ABR: variants seen among roughly 807,000 people sequenced by gnomAD.
ABR encodes the protein active breakpoint cluster region-related protein.
Under a neutral mutation model 107.2 loss-of-function variants are expected in ABR, and 35 were observed. That is an observed-to-expected ratio of 0.33 (90% CI 0.25 to 0.43). ABR has a LOEUF of 0.43. Among genes scored for constraint, ABR ranks in the 20% least tolerant of loss-of-function variants. The probability of loss-of-function intolerance (pLI) is 1.00; values close to 1 mark genes in which losing one functional copy is unlikely to be tolerated. For missense variants in ABR, 815 were observed against 1,115.2 expected, an observed-to-expected ratio of 0.73 and a Z score of 3.83; for synonymous variants, 498 against 462.0, an observed-to-expected ratio of 1.08 and a Z score of -1.00.
Position 1,226,490 on chromosome 17 carries a change from T to C in ABR, c.838+2303A>G, listed in dbSNP as rs529463553. 4.1e-4 allele frequency among the ~76,000 whole-genome samples: 60 copies of C among 145,676 alleles called. 1 individual carries two copies. The highest frequency in any genetic ancestry group is 1.6e-3 in the African/African-American group (59 of 36,598). Reference sequence around the variant, plus strand: ...TGTATGTGGCACTGTGCCATGTGTATACGTGTAGGTGTGCATGTGTGTGCA... The same window carrying C: ...TGTATGTGGCACTGTGCCATGTGTACACGTGTAGGTGTGCATGTGTGTGCA... On this transcript the variant is annotated intron_variant, in intron 1 of 22. Transcript: ENST00000574139.
chr17:1,032,837 T>A (rs2072917165), intron 16 of ABR, among the ~76,000 whole-genome samples: 1 of 152,318 alleles, frequency 6.6e-6, no homozygotes, highest in Non-Finnish European at 1.5e-5. Flanking sequence ...CAGGGGTGTC[T>A]GGGGCCTCGG....
At chr17:1,216,001 A>G (rs9944477) in intron 1 of ABR, among the ~76,000 whole-genome samples, 10 of 128,126 alleles carry the variant, frequency 7.8e-5, no homozygotes, top group Non-Finnish European at 1.4e-4. Context: ...GTCATCACCA[A>G]TCCCTAATCT....
intron 16 of ABR, among the ~76,000 whole-genome samples, chr17:1,020,676 A>G (rs11247574): frequency 0.18 from 27,095 of 152,092 alleles, 3,154 homozygotes; most frequent in Admixed American, 0.3. Flanking sequence ...TTGGGGCAGG[A>G]ATCAGCAAAG....
chr17:1,140,430 T>C (rs2040242107), intron 1 of ABR, among the ~76,000 whole-genome samples: 1 of 152,286 alleles, frequency 6.6e-6, no homozygotes, highest in Non-Finnish European at 1.5e-5. Context: ...ACCAGGGAAC[T>C]GGCCAGCGGA....
At chr17:1,167,381 C>G (rs913392346) in intron 1 of ABR, among the ~76,000 whole-genome samples, 2 of 148,454 alleles carry the variant, frequency 1.3e-5, no homozygotes, top group Admixed American at 1.3e-4. Flanking sequence ...TCTTCATAGC[C>G]ACCCCTGACT....
At chr17:1,141,754 G>A (rs1397758732) in intron 1 of ABR, among the ~76,000 whole-genome samples, 2 of 149,604 alleles carry the variant, frequency 1.3e-5, no homozygotes, top group African/African-American at 2.5e-5. Context: ...GACTAGTTAC[G>A]ACTTAAATTC....
intron 2 of ABR, among the ~76,000 whole-genome samples, chr17:1,106,894 T>G (rs935606156): frequency 7.2e-5 from 11 of 152,334 alleles, no homozygotes; most frequent in African/African-American, 2.6e-4. Flanking sequence ...GAACGCCTTG[T>G]GAGGGAAGAT....
At chr17:1,073,707 G>A (rs984358223) in intron 6 of ABR, 30 bp from the exon 7 acceptor site, 8 of 1,583,052 alleles carry the variant, frequency 5.1e-6, no homozygotes, top group Admixed American at 1.8e-5. Context: ...GAAGGAGGAA[G>A]AGGATGATGG....
chr17:1,195,067 G>A, intron 1 of ABR, among the ~76,000 whole-genome samples: 2 of 146,744 alleles, frequency 1.4e-5, no homozygotes, highest in Non-Finnish European at 3.0e-5. Flanking sequence ...CAGCACTTTG[G>A]GAGGCCGAGG....
intron 1 of ABR, among the ~76,000 whole-genome samples, chr17:1,143,717 C>T (rs1425347564): frequency 6.6e-6 from 1 of 152,090 alleles, no homozygotes; most frequent in Non-Finnish European, 1.5e-5. Flanking sequence ...AGACCGTAGC[C>T]GCCTGGAGAA....
rs149617961 is a variant in ABR at position 1,046,414 on chromosome 17, G to T, written c.1791+3636C>A. Among the ~76,000 whole-genome samples, 954 of 152,200 alleles carry T rather than the reference G, an allele frequency of 6.3e-3. 9 individuals carry two copies. The highest frequency in any genetic ancestry group is 0.022 in the African/African-American group (906 of 41,540). ...GCCTCCCAAAGTGCTGGGATTATGG[G>T]CGCGTGCCACCACGCCTGGCTAATT... On this transcript the variant is annotated intron_variant, in intron 16 of 22. Transcript: ENST00000302538.
At chr17:1,067,043 AG>A (rs1176642434) in intron 10 of ABR, 33 bp downstream of exon 10, 2 of 1,607,172 alleles carry the variant, frequency 1.2e-6, no homozygotes, top group Non-Finnish European at 1.7e-6. Context: ...GCTGGCTCAA[AG>A]GGCCCCAGGC....
intron 1 of ABR, among the ~76,000 whole-genome samples, chr17:1,159,797 T>C (rs540217354): frequency 6.6e-6 from 1 of 151,878 alleles, no homozygotes; most frequent in African/African-American, 2.4e-5. Flanking sequence ...TAAAAGCCAG[T>C]GACACTTACG....
intron 1 of ABR, among the ~76,000 whole-genome samples, chr17:1,175,286 C>T (rs957160600): frequency 6.6e-6 from 1 of 152,092 alleles, no homozygotes; most frequent in Non-Finnish European, 1.5e-5. Context: ...GTGGCGGGCA[C>T]CTGTAATCCC....
chr17:1,160,601 C>G (rs76423869), intron 1 of ABR, among the ~76,000 whole-genome samples: 49 of 152,316 alleles, frequency 3.2e-4, no homozygotes, highest in African/African-American at 1.2e-3. Flanking sequence ...AGGGGTACGA[C>G]GGAGCAGCAA....
intron 1 of ABR, among the ~76,000 whole-genome samples, chr17:1,129,405 G>A (rs997462577): frequency 2.0e-5 from 3 of 151,814 alleles, no homozygotes; most frequent in East Asian, 1.9e-4. Flanking sequence ...GGTGGTTGGC[G>A]CCTGTTGTCC....
Position 1,056,047 on chromosome 17 carries a change from TA to T in ABR, c.1548del (p.Phe516LeufsTer50). 1 of 1,614,144 alleles carries T rather than the reference TA, an allele frequency of 6.2e-7. No homozygotes were observed. The highest frequency in any genetic ancestry group is 8.5e-7 in the Non-Finnish European group (1 of 1,179,978). ...CCAGGGCACTTACTGGCTGATTGCT[TA>T]AATCCCTTGGCAGAGTGGACGATGA... ...LHVIVHSAKG[F>X]KQSANLYCTL... On this transcript the variant is annotated frameshift_variant, in exon 14 of 23. Transcript: ENST00000302538. LOFTEE classifies it high-confidence loss of function.
At chr17:1,131,994 C>A (rs1474149275) in intron 1 of ABR, among the ~76,000 whole-genome samples, 2 of 147,072 alleles carry the variant, frequency 1.4e-5, no homozygotes, top group African/African-American at 5.3e-5. Context: ...CCTCTTTGCA[C>A]ACCAAATGCA....
chr17:1,034,263 C>T (rs1294703144), intron 16 of ABR, among the ~76,000 whole-genome samples: 2 of 152,148 alleles, frequency 1.3e-5, no homozygotes, highest in Non-Finnish European at 2.9e-5. Context: ...CCACTCATGT[C>T]ACTCTAGAGG....
Sources: gnomAD v4.1 joint callset for allele counts (sites outside exome capture counted in the v4.1 genomes callset) on GRCh38, gnomAD v4.1.1 for gene constraint, MANE v1.5 for transcripts, NCBI Gene and HGNC (gene_info 2026-07-23, HGNC 2026-07-21) for gene names.